The following IQCJ variants were observed in gnomAD, a reference collection of about 807,000 sequenced individuals.
IQCJ encodes IQ domain-containing protein J.
Under a neutral mutation model 11.0 loss-of-function variants are expected in IQCJ, and 9 were observed. That is an observed-to-expected ratio of 0.82 (90% CI 0.49 to 1.43). The LOEUF (loss-of-function observed/expected upper bound fraction) is 1.43. IQCJ is among the 40% of genes most tolerant of loss of function. IQCJ has a pLI of 0.00. For synonymous variants in IQCJ, 55 were observed against 51.3 expected, an observed-to-expected ratio of 1.07 and a Z score of -0.31; for missense variants, 146 against 133.2, an observed-to-expected ratio of 1.10 and a Z score of -0.47.
intron 2 of IQCJ, among the ~76,000 whole-genome samples, chr3:159,249,297 A>G (rs1041914567): frequency 7.9e-5 from 12 of 152,194 alleles, no homozygotes; most frequent in Non-Finnish European, 1.6e-4. Flanking sequence ...TTAATGGTAT[A>G]TACGTGGGTT....
At chr3:159,221,276 G>A (rs1246754398) in intron 1 of IQCJ, among the ~76,000 whole-genome samples, 1 of 152,126 alleles carries the variant, frequency 6.6e-6, no homozygotes, top group African/African-American at 2.4e-5. Flanking sequence ...TATTAAAATA[G>A]TGGGGGAGAA....
At chr3:159,210,461 TTTGAGA>T (rs1206789554) in intron 1 of IQCJ, among the ~76,000 whole-genome samples, 7 of 152,266 alleles carry the variant, frequency 4.6e-5, no homozygotes, top group African/African-American at 7.2e-5. Flanking sequence ...ATGTGCTTGT[TTTGAGA>T]TTAAGTGTGT....
chr3:159,238,659 T>C (rs1048190799), intron 1 of IQCJ, among the ~76,000 whole-genome samples: 1 of 152,068 alleles, frequency 6.6e-6, no homozygotes. Flanking sequence ...GAGGGTGGGG[T>C]ACCCAACTTT....
intron 1 of IQCJ, among the ~76,000 whole-genome samples, chr3:159,190,161 G>T (rs1723601132): frequency 6.6e-6 from 1 of 152,172 alleles, no homozygotes; most frequent in South Asian, 2.1e-4. Context: ...CAGAGGATTA[G>T]CACCCTGCTC....
intron 1 of IQCJ, among the ~76,000 whole-genome samples, chr3:159,192,447 G>A (rs1165603154): frequency 6.6e-6 from 1 of 152,158 alleles, no homozygotes; most frequent in Admixed American, 6.5e-5. Flanking sequence ...ACATACATAA[G>A]AGAGTGAAGG....
chr3:159,215,124 A>G (rs1725157195), intron 1 of IQCJ, among the ~76,000 whole-genome samples: 1 of 152,134 alleles, frequency 6.6e-6, no homozygotes, highest in South Asian at 2.1e-4. Context: ...GGAAATGAAG[A>G]CTCAAAGAAG....
chr3:159,129,324 T>C (rs1719858855), intron 1 of IQCJ, among the ~76,000 whole-genome samples: 1 of 152,212 alleles, frequency 6.6e-6, no homozygotes, highest in South Asian at 2.1e-4. Flanking sequence ...TTGTTTTCAC[T>C]TAATAGTTTG....
At chr3:159,248,227 T>C (rs1727387272) in intron 2 of IQCJ, among the ~76,000 whole-genome samples, 1 of 152,182 alleles carries the variant, frequency 6.6e-6, no homozygotes, top group Non-Finnish European at 1.5e-5. Context: ...CAATGCTGGC[T>C]CCTTTCCTTT....
intron 1 of IQCJ, among the ~76,000 whole-genome samples, chr3:159,237,658 T>A (rs1008340708): frequency 2.0e-5 from 3 of 152,212 alleles, no homozygotes; most frequent in African/African-American, 7.2e-5. Context: ...TGTACTTGAA[T>A]AATTCAACTT....
chr3:159,194,309 A>G (rs1723855266), intron 1 of IQCJ, among the ~76,000 whole-genome samples: 1 of 152,146 alleles, frequency 6.6e-6, no homozygotes, highest in Admixed American at 6.5e-5. Context: ...CTGCCCGTCT[A>G]TCTTGCCCTG....
intron 1 of IQCJ, among the ~76,000 whole-genome samples, chr3:159,224,889 C>T (rs1372640895): frequency 1.3e-5 from 2 of 151,998 alleles, no homozygotes; most frequent in African/African-American, 2.4e-5. Context: ...ATGGGAAACA[C>T]AAAACACTGG....
chr3:159,255,197 C>T lies in IQCJ; in HGVS notation c.155+2390C>T, dbSNP rs1487103593. 3.3e-5 allele frequency among the ~76,000 whole-genome samples: 5 copies of T among 152,194 alleles called. No homozygotes were observed. The East Asian group carries it at 9.6e-4, about 29-fold the overall frequency. ...TGGTGGGGACCAACTGAGAGTCTAT[C>T]TTCTCCTGGGGGTGGAGGGAAGTGA... On this transcript the variant is annotated intron_variant, in intron 3 of 3. Transcript: ENST00000397832.
intron 1 of IQCJ, among the ~76,000 whole-genome samples, chr3:159,208,691 A>C (rs908888431): frequency 6.6e-6 from 1 of 152,194 alleles, no homozygotes; most frequent in South Asian, 2.1e-4. Context: ...TGGGTTGAAT[A>C]ATGGCTCCCC....
intron 1 of IQCJ, among the ~76,000 whole-genome samples, chr3:159,131,653 A>G (rs926678462): frequency 2.0e-5 from 3 of 152,030 alleles, no homozygotes; most frequent in Admixed American, 1.3e-4. Context: ...ATGCCTCACC[A>G]TCCCTTACTA....
chr3:159,185,176 A>G (rs1348312443), intron 1 of IQCJ, among the ~76,000 whole-genome samples: 25 of 152,204 alleles, frequency 1.6e-4, no homozygotes, highest in Admixed American at 1.6e-3. Flanking sequence ...TCAGAAAACT[A>G]GGATGCTGGG....
rs35878681 is a variant in IQCJ at position 159,165,788 on chromosome 3, A to ATTTT, written c.10-80036_10-80033dup. Among the ~76,000 whole-genome samples, 9 of 106,506 alleles carry ATTTT rather than the reference A, an allele frequency of 8.5e-5. No individual in the cohort carries two copies. In the South Asian group the frequency reaches 9.1e-4, roughly 11 times the overall value. 69.9% of individuals were successfully genotyped at this position (106,506 alleles called of 152,430 possible). ...GCCACCATGCCCAGCTAATTTTTGTATTTTTTTTTTTTTTTTTTTTTTAGT... is the reference window on the plus strand; with the variant it reads ...GCCACCATGCCCAGCTAATTTTTGTATTTTTTTTTTTTTTTTTTTTTTTTTTAGT... On this transcript the variant is annotated intron_variant, in intron 1 of 3. Transcript: ENST00000397832.
intron 1 of IQCJ, among the ~76,000 whole-genome samples, chr3:159,102,604 G>A (rs1372666470): frequency 1.3e-5 from 2 of 152,136 alleles, no homozygotes; most frequent in African/African-American, 4.8e-5. Context: ...ATACTCACCT[G>A]TGGCATTTCT....
At chr3:159,088,517 G>A (rs1055985209) in intron 1 of IQCJ, among the ~76,000 whole-genome samples, 2 of 152,074 alleles carry the variant, frequency 1.3e-5, no homozygotes, top group African/African-American at 4.8e-5. Flanking sequence ...TTGACAGTGG[G>A]GTGCTAAAGT....
chr3:159,177,606 G>A (rs906953137), intron 1 of IQCJ, among the ~76,000 whole-genome samples: 5 of 152,180 alleles, frequency 3.3e-5, no homozygotes, highest in African/African-American at 9.7e-5. Flanking sequence ...CTGGAGGGAA[G>A]CATTGACTAT....
Sources: gnomAD v4.1 joint callset for allele counts (sites outside exome capture counted in the v4.1 genomes callset) on GRCh38, gnomAD v4.1.1 for gene constraint, MANE v1.5 for transcripts, NCBI Gene and HGNC (gene_info 2026-07-23, HGNC 2026-07-21) for gene names.